ERBB4: variants seen among roughly 807,000 people sequenced by gnomAD.
The protein encoded by ERBB4 is receptor tyrosine-protein kinase erbB-4.
In ERBB4, 42 loss-of-function variants were observed where a neutral mutation model predicts 158.0. That is an observed-to-expected ratio of 0.27 (90% confidence interval 0.21 to 0.34). The LOEUF is 0.34. Ranked by LOEUF, ERBB4 falls within the 10% of genes least tolerant of loss-of-function variation. The pLI is 1.00. For missense variants in ERBB4, 1,333 were observed against 1,624.1 expected (o/e 0.82, Z 3.08); for synonymous variants, 583 against 558.7 (o/e 1.04, Z -0.61).
At chr2:212,307,123 T>C (rs2086838521) in intron 1 of ERBB4, among the ~76,000 whole-genome samples, 1 of 151,290 alleles carries the variant, frequency 6.6e-6, no homozygotes, top group Admixed American at 6.6e-5. Flanking sequence ...GCTCAGTTAC[T>C]CATTATCTGT....
At chr2:211,597,182 A>T (rs138840449) in intron 19 of ERBB4, among the ~76,000 whole-genome samples, 245 of 152,324 alleles carry the variant, frequency 1.6e-3, no homozygotes, top group African/African-American at 5.7e-3. Context: ...GAGGGTTAGG[A>T]AAAAACCTGT....
chr2:211,634,632 A>T (rs1418546846), intron 16 of ERBB4, among the ~76,000 whole-genome samples: 1 of 152,092 alleles, frequency 6.6e-6, no homozygotes, highest in African/African-American at 2.4e-5. Context: ...AATGATGATA[A>T]TGGCTATTAC....
intron 19 of ERBB4, among the ~76,000 whole-genome samples, chr2:211,609,085 G>A (rs559091041): frequency 6.6e-6 from 1 of 152,158 alleles, no homozygotes; most frequent in East Asian, 1.9e-4. Context: ...AAGAAGCAAA[G>A]GTTTTTCTCT....
At chr2:211,861,101 T>TATA (rs1277377699) in intron 3 of ERBB4, among the ~76,000 whole-genome samples, 2 of 25,116 alleles carry the variant, frequency 8.0e-5, no homozygotes, top group African/African-American at 1.7e-4. Context: ...TATAAATACA[T>TATA]TATATATATT....
chr2:211,726,154 A>C (rs2074259341), intron 5 of ERBB4, among the ~76,000 whole-genome samples: 1 of 152,172 alleles, frequency 6.6e-6, no homozygotes, highest in African/African-American at 2.4e-5. Context: ...GTTTCTTCCT[A>C]TATTTTCAAA....
At chr2:212,358,446 C>T (rs1017329576) in intron 1 of ERBB4, among the ~76,000 whole-genome samples, 25 of 151,332 alleles carry the variant, frequency 1.7e-4, no homozygotes, top group Admixed American at 1.3e-3. Flanking sequence ...ATAATTTGTA[C>T]AAAAAGTGTG....
chr2:212,518,890 G>T (rs1691989654), intron 1 of ERBB4, among the ~76,000 whole-genome samples: 1 of 151,936 alleles, frequency 6.6e-6, no homozygotes, highest in Non-Finnish European at 1.5e-5. Flanking sequence ...CTGAATAGTT[G>T]CATGTCAGGC....
At chr2:211,956,743 T>C (rs2081046167) in intron 2 of ERBB4, among the ~76,000 whole-genome samples, 1 of 152,108 alleles carries the variant, frequency 6.6e-6, no homozygotes, top group African/African-American at 2.4e-5. Flanking sequence ...AATTAAACAA[T>C]TGGTACTACA....
At chr2:212,463,086 G>C in intron 1 of ERBB4, among the ~76,000 whole-genome samples, 1 of 152,078 alleles carries the variant, frequency 6.6e-6, no homozygotes, top group East Asian at 1.9e-4. Flanking sequence ...TAGAACAGTG[G>C]TTTGAAAGGC....
chr2:212,166,422 T>C (rs1270599361), intron 1 of ERBB4, among the ~76,000 whole-genome samples: 3 of 151,942 alleles, frequency 2.0e-5, no homozygotes, highest in Non-Finnish European at 4.4e-5. Context: ...TTCTACAAAA[T>C]TGTCTCATTT....
At chr2:212,190,029 T>G (rs759684941) in intron 1 of ERBB4, among the ~76,000 whole-genome samples, 2 of 152,216 alleles carry the variant, frequency 1.3e-5, no homozygotes, top group Non-Finnish European at 2.9e-5. Context: ...CCAGACATAA[T>G]GAAATAAAAT....
chr2:212,203,382 G>A (rs1004563531), intron 1 of ERBB4, among the ~76,000 whole-genome samples: 5 of 152,138 alleles, frequency 3.3e-5, no homozygotes, highest in South Asian at 4.1e-4. Context: ...ACATGAAGAA[G>A]CTGATGTAGC....
intron 1 of ERBB4, among the ~76,000 whole-genome samples, chr2:212,534,079 A>G (rs1288506155): frequency 6.6e-6 from 1 of 152,232 alleles, no homozygotes; most frequent in Non-Finnish European, 1.5e-5. Context: ...ATACATGGAT[A>G]TCCAACAGTA....
chr2:211,466,349 TA>T (rs58336651), intron 20 of ERBB4, among the ~76,000 whole-genome samples: 4,183 of 127,804 alleles, frequency 0.033, 174 homozygotes, highest in African/African-American at 0.12. Context: ...TTTTTTTTTT[TA>T]AAAAAAAAAA....
intron 18 of ERBB4, among the ~76,000 whole-genome samples, chr2:211,621,107 C>A (rs1443306123): frequency 6.6e-6 from 1 of 151,758 alleles, no homozygotes; most frequent in African/African-American, 2.4e-5. Flanking sequence ...AGAGCAAGAC[C>A]CTGTCTCAAG....
At chr2:211,822,389 A>G (rs2077014850) in intron 3 of ERBB4, among the ~76,000 whole-genome samples, 1 of 152,086 alleles carries the variant, frequency 6.6e-6, no homozygotes, top group Non-Finnish European at 1.5e-5. Flanking sequence ...CAACATCACT[A>G]TGTACCCCAT....
intron 1 of ERBB4, among the ~76,000 whole-genome samples, chr2:212,487,228 G>A (rs1009601706): frequency 2.0e-4 from 31 of 151,962 alleles, no homozygotes; most frequent in Non-Finnish European, 4.4e-4. Context: ...TAAATATTCT[G>A]TTTAAAGCTG....
intron 20 of ERBB4, among the ~76,000 whole-genome samples, chr2:211,480,416 T>C (rs904588533): frequency 2.0e-5 from 3 of 152,140 alleles, no homozygotes; most frequent in Non-Finnish European, 4.4e-5. Flanking sequence ...GAGAGAGTTC[T>C]CCTTAGATCT....
intron 1 of ERBB4, among the ~76,000 whole-genome samples, chr2:212,228,036 A>C (rs1379064125): frequency 6.6e-6 from 1 of 152,156 alleles, no homozygotes; most frequent in Non-Finnish European, 1.5e-5. Context: ...AAAAGATTAC[A>C]CAAAAGAGAA....
Sources: allele counts gnomAD v4.1 joint callset (sites outside exome capture counted in the v4.1 genomes callset), GRCh38; gene constraint gnomAD v4.1.1; transcripts MANE v1.5; gene names NCBI Gene and HGNC (gene_info 2026-07-23, HGNC 2026-07-21).